ABLIM1: variants seen among roughly 807,000 people sequenced by gnomAD.
ABLIM1 encodes actin binding LIM protein 1.
In ABLIM1, 40 loss-of-function variants were observed where a neutral mutation model predicts 107.0. That is an observed-to-expected ratio of 0.37 (90% CI 0.29 to 0.49). ABLIM1 has a LOEUF of 0.49. ABLIM1 is among the 20% of genes least tolerant of loss of function. The pLI is 0.97. For synonymous variants in ABLIM1, 357 were observed against 357.3 expected (o/e 1.00, Z 0.01); for missense variants, 857 against 1,008.5 (o/e 0.85, Z 2.04).
At chr10:114,468,860 G>T (rs1425600356) in intron 10 of ABLIM1, among the ~76,000 whole-genome samples, 1 of 151,470 alleles carries the variant, frequency 6.6e-6, no homozygotes, top group Non-Finnish European at 1.5e-5. Flanking sequence ...GACCATCCTG[G>T]CTAACATGGT....
chr10:114,486,593 G>A (rs982899136), intron 8 of ABLIM1, among the ~76,000 whole-genome samples: 12 of 152,216 alleles, frequency 7.9e-5, no homozygotes, highest in African/African-American at 2.4e-4. Flanking sequence ...GTGACTATCC[G>A]GCTGATGGAC....
At chr10:114,616,026 T>C (rs2077110426) in intron 1 of ABLIM1, among the ~76,000 whole-genome samples, 1 of 152,128 alleles carries the variant, frequency 6.6e-6, no homozygotes, top group African/African-American at 2.4e-5. Flanking sequence ...CTCATATTTA[T>C]TTATTTTTTA....
intron 8 of ABLIM1, among the ~76,000 whole-genome samples, chr10:114,474,669 C>G (rs547949926): frequency 6.6e-6 from 1 of 152,126 alleles, no homozygotes; most frequent in African/African-American, 2.4e-5. Context: ...CGTGAGCCAC[C>G]GCACTCAGCC....
intron 2 of ABLIM1, among the ~76,000 whole-genome samples, chr10:114,592,344 T>C (rs960778473): frequency 6.6e-6 from 1 of 152,108 alleles, no homozygotes; most frequent in Non-Finnish European, 1.5e-5. Flanking sequence ...TGAGGCTATT[T>C]GGTACTTGGT....
At chr10:114,638,757 C>G (rs2078600518) in intron 1 of ABLIM1, among the ~76,000 whole-genome samples, 2 of 152,144 alleles carry the variant, frequency 1.3e-5, no homozygotes, top group Admixed American at 6.5e-5. Flanking sequence ...TGCCCTTTGC[C>G]TTGCCTGTGT....
At chr10:114,617,992 T>C (rs568650630) in intron 1 of ABLIM1, among the ~76,000 whole-genome samples, 3 of 152,252 alleles carry the variant, frequency 2.0e-5, no homozygotes, top group African/African-American at 7.2e-5. Context: ...ACAAATATGC[T>C]TATAATGCAT....
At chr10:114,663,752 G>A (rs1174281807) in intron 1 of ABLIM1, among the ~76,000 whole-genome samples, 1 of 152,216 alleles carries the variant, frequency 6.6e-6, no homozygotes, top group Non-Finnish European at 1.5e-5. Flanking sequence ...CCAGTGGTTG[G>A]TAATTAGGAG....
chr10:114,684,598 G>A (rs1480206807), exon 1 of ABLIM1: 11 of 1,302,928 alleles, frequency 8.4e-6, no homozygotes, highest in African/African-American at 2.9e-5. Flanking sequence ...TTCTTCTCTC[G>A]ACCCTGCCCC....
intron 1 of ABLIM1, among the ~76,000 whole-genome samples, chr10:114,693,461 C>T (rs139543555): frequency 0.021 from 3,188 of 152,244 alleles, 64 homozygotes; most frequent in Admixed American, 0.034. Context: ...TGCTCTCATG[C>T]GTGCACTCTC....
intron 6 of ABLIM1, among the ~76,000 whole-genome samples, chr10:114,522,680 GAGA>G (rs1341225503): frequency 6.6e-6 from 1 of 152,238 alleles, no homozygotes; most frequent in African/African-American, 2.4e-5. Context: ...CAGCAATGCT[GAGA>G]AGGACACAAA....
intron 1 of ABLIM1, among the ~76,000 whole-genome samples, chr10:114,694,570 C>T (rs553129367): frequency 7.9e-5 from 12 of 152,130 alleles, no homozygotes; most frequent in African/African-American, 2.4e-4. Flanking sequence ...CATATTCTCA[C>T]CTGTAAGATG....
chr10:114,460,662 C>T (rs1251023549), intron 12 of ABLIM1, among the ~76,000 whole-genome samples: 1 of 152,170 alleles, frequency 6.6e-6, no homozygotes, highest in Non-Finnish European at 1.5e-5. Flanking sequence ...GTGCCCCACA[C>T]CAAGACACTT....
intron 2 of ABLIM1, among the ~76,000 whole-genome samples, chr10:114,591,177 A>G (rs1007647397): frequency 6.6e-6 from 1 of 152,188 alleles, no homozygotes; most frequent in Admixed American, 6.5e-5. Flanking sequence ...GTTGACTCTG[A>G]AGACTACATT....
intron 1 of ABLIM1, chr10:114,632,374 C>T (rs1002536464): frequency 4.1e-6 from 4 of 985,282 alleles, no homozygotes; most frequent in Non-Finnish European, 3.6e-6. Context: ...CAGCTAGAGA[C>T]GGTTCCAATA....
intron 1 of ABLIM1, among the ~76,000 whole-genome samples, chr10:114,666,492 G>A (rs1031151723): frequency 3.3e-5 from 5 of 152,050 alleles, no homozygotes; most frequent in African/African-American, 4.8e-5. Context: ...TTTACTCGAC[G>A]ATAGATGAAA....
At chr10:114,733,423 C>T (rs181032289) in intron 1 of ABLIM1, among the ~76,000 whole-genome samples, 32 of 152,204 alleles carry the variant, frequency 2.1e-4, no homozygotes, top group Admixed American at 1.4e-3. Context: ...TGCTGTACCC[C>T]GAGCAAAAAC....
intron 8 of ABLIM1, among the ~76,000 whole-genome samples, chr10:114,478,405 C>T (rs931150531): frequency 3.9e-5 from 6 of 152,162 alleles, no homozygotes; most frequent in African/African-American, 1.4e-4. Flanking sequence ...TATGGTTTGG[C>T]TCTGTGCCCC....
intron 12 of ABLIM1, among the ~76,000 whole-genome samples, chr10:114,462,385 A>C (rs1452830457): frequency 6.6e-6 from 1 of 152,154 alleles, no homozygotes; most frequent in Non-Finnish European, 1.5e-5. Flanking sequence ...CAGTGTGGAG[A>C]GTCCCAACTG....
intron 1 of ABLIM1, among the ~76,000 whole-genome samples, chr10:114,749,450 CCA>C (rs151201319): frequency 0.035 from 5,003 of 141,474 alleles, 225 homozygotes; most frequent in African/African-American, 0.11. Context: ...AACACACACA[CCA>C]CACACACACA....
Sources: gnomAD v4.1 joint callset for allele counts (sites outside exome capture counted in the v4.1 genomes callset) on GRCh38, gnomAD v4.1.1 for gene constraint, MANE v1.5 for transcripts, NCBI Gene and HGNC (gene_info 2026-07-23, HGNC 2026-07-21) for gene names.